Variants in ATP2B2 observed in about 807,000 individuals in gnomAD.
ATP2B2 encodes the protein plasma membrane calcium-transporting ATPase 2.
A neutral mutation model predicts 120.0 loss-of-function variants in ATP2B2; 15 were observed. The observed-to-expected ratio is 0.12, with a 90% CI of 0.08 to 0.19. ATP2B2 has a LOEUF of 0.19. Among genes scored for constraint, ATP2B2 ranks in the 10% least tolerant of loss-of-function variants. The pLI is 1.00. For synonymous variants in ATP2B2, 694 were observed against 700.3 expected (o/e 0.99, Z 0.14); for missense variants, 1,045 against 1,719.8 (o/e 0.61, Z 6.94).
At chr3:10,547,172 C>T (rs550593912) in intron 2 of ATP2B2, among the ~76,000 whole-genome samples, 54 of 152,046 alleles carry the variant, frequency 3.6e-4, no homozygotes, top group African/African-American at 1.1e-3. Flanking sequence ...AAGAGGCAGG[C>T]GGGTACAGCT....
intron 2 of ATP2B2, among the ~76,000 whole-genome samples, chr3:10,540,834 G>A (rs183339107): frequency 1.7e-3 from 256 of 150,854 alleles, no homozygotes; most frequent in African/African-American, 6.0e-3. Context: ...AAACCTTCAC[G>A]TTGTGCACAT....
At chr3:10,494,872 A>C (rs2125380630) in intron 1 of ATP2B2, among the ~76,000 whole-genome samples, 1 of 152,332 alleles carries the variant, frequency 6.6e-6, no homozygotes, top group South Asian at 2.1e-4. Context: ...CCCAAGACAG[A>C]GGTCAAAACC....
intron 14 of ATP2B2, among the ~76,000 whole-genome samples, chr3:10,356,846 G>A (rs2060746380): frequency 6.6e-6 from 1 of 152,216 alleles, no homozygotes; most frequent in Non-Finnish European, 1.5e-5. Context: ...GAGGTTTGCA[G>A]GAAAGCACGT....
At position 10,497,270 on chromosome 3, in the gene ATP2B2, A is replaced by C. The variant is rs373834778; in HGVS notation, c.-320+8195T>G. On this transcript the variant is annotated intron_variant, in intron 1 of 22. Coordinates refer to ENST00000360273, the MANE Select transcript of ATP2B2 (RefSeq NM_001001331.4). ...GAACTGCTTTCTCCATAAGAGAAAG[A>C]GTCCTGAACCAACATGGGCAAAGAG... 1.2e-4 allele frequency among the ~76,000 whole-genome samples: 18 copies of C among 152,202 alleles called. No homozygotes were observed. In the East Asian group the frequency reaches 2.5e-3, roughly 21 times the overall value.
At chr3:10,638,833 G>C (rs1013639034) in intron 1 of ATP2B2, among the ~76,000 whole-genome samples, 3 of 152,212 alleles carry the variant, frequency 2.0e-5, no homozygotes, top group Non-Finnish European at 4.4e-5. Context: ...GTAGATTTCA[G>C]AGCAAAGAAT....
chr3:10,403,762 G>T (rs2062312669), intron 3 of ATP2B2, among the ~76,000 whole-genome samples: 1 of 152,230 alleles, frequency 6.6e-6, no homozygotes, highest in Non-Finnish European at 1.5e-5. Flanking sequence ...CCCTCAAGCT[G>T]GCTGAGAGAA....
intron 2 of ATP2B2, among the ~76,000 whole-genome samples, chr3:10,539,848 G>A (rs964549063): frequency 9.9e-5 from 15 of 152,090 alleles, no homozygotes; most frequent in African/African-American, 1.9e-4. Flanking sequence ...CAATAGCAAC[G>A]AAAGCCAAAA....
At chr3:10,553,766 T>C (rs1169302489) in intron 2 of ATP2B2, among the ~76,000 whole-genome samples, 1 of 152,114 alleles carries the variant, frequency 6.6e-6, no homozygotes, top group Non-Finnish European at 1.5e-5. Flanking sequence ...CTGGGTGTTA[T>C]CGAGATAATC....
At chr3:10,336,365 A>T (rs1164442877) in intron 22 of ATP2B2, 1 of 1,480,722 alleles carries the variant, frequency 6.8e-7, no homozygotes, top group East Asian at 2.5e-5. Context: ...CATGACTGAC[A>T]GGGCAACGTC....
chr3:10,497,513 T>A (rs2125391701), intron 1 of ATP2B2, among the ~76,000 whole-genome samples: 1 of 152,376 alleles, frequency 6.6e-6, no homozygotes, highest in South Asian at 2.1e-4. Context: ...AAATAATAAT[T>A]GCTTACACTT....
rs1438786082 is a variant in ATP2B2, at chr3:10,329,096, A to G, written c.3450T>C (p.Ser1150=). Reference sequence around the variant, plus strand: ...CAGGCTTTTCTAAACCTTCATAGAGAGAGCTACGGAACGCCTTCACGACGC... The same window carrying G: ...CAGGCTTTTCTAAACCTTCATAGAGGGAGCTACGGAACGCCTTCACGACGC... The part of the protein sequence containing the change: ...QIRVVKAFRS[S]LYEGLEKPES... The change falls in exon 23 of 23, where the codon TCT becomes TCC. Residue 1150 remains serine, a synonymous_variant. Coordinates refer to ENST00000360273, the MANE Select transcript of ATP2B2 (RefSeq NM_001001331.4). The surrounding 1 kb of genome is among the most constrained non-coding windows in gnomAD (Gnocchi z 5.9). 6.8e-6 allele frequency: 11 copies of G among 1,612,882 alleles called. No individual in the cohort carries two copies. The highest frequency in any genetic ancestry group is 9.3e-6 in the Non-Finnish European group (11 of 1,179,702).
chr3:10,631,738 T>A (rs1303978734), intron 1 of ATP2B2, among the ~76,000 whole-genome samples: 1 of 152,170 alleles, frequency 6.6e-6, no homozygotes, highest in Non-Finnish European at 1.5e-5. Context: ...GAGGCCAGCG[T>A]CCCCTACATG....
At chr3:10,367,763 G>A (rs1007551357) in intron 12 of ATP2B2, among the ~76,000 whole-genome samples, 1 of 152,190 alleles carries the variant, frequency 6.6e-6, no homozygotes, top group Non-Finnish European at 1.5e-5. Flanking sequence ...TGCTCCAACT[G>A]CAGGGTCCTT....
At chr3:10,486,947 C>T (rs1418418279) in intron 1 of ATP2B2, among the ~76,000 whole-genome samples, 3 of 152,054 alleles carry the variant, frequency 2.0e-5, no homozygotes, top group South Asian at 4.2e-4. Flanking sequence ...AGGCTGGTCT[C>T]GAACTCCTGA....
chr3:10,443,544 CCCGAAGCTG>C (rs60414615), intron 2 of ATP2B2, among the ~76,000 whole-genome samples: 4,368 of 152,174 alleles, frequency 0.029, 217 homozygotes, highest in African/African-American at 0.1. Flanking sequence ...AGGATGTTAA[CCCGAAGCTG>C]CCGGAGCCCC....
chr3:10,705,407 T>C (rs1370506821), intron 1 of ATP2B2, among the ~76,000 whole-genome samples: 1 of 152,246 alleles, frequency 6.6e-6, no homozygotes, highest in African/African-American at 2.4e-5. Flanking sequence ...CCCCACAGTC[T>C]GTCAAAGTCA....
chr3:10,474,372 G>C (rs2065127791), intron 1 of ATP2B2, among the ~76,000 whole-genome samples: 1 of 152,186 alleles, frequency 6.6e-6, no homozygotes, highest in Non-Finnish European at 1.5e-5. Context: ...GCTCAGAAGA[G>C]AGGCCCTGAC....
At chr3:10,505,265 C>T (rs1398480546) in intron 1 of ATP2B2, among the ~76,000 whole-genome samples, 200 bp downstream of exon 1, 1 of 152,156 alleles carries the variant, frequency 6.6e-6, no homozygotes, top group African/African-American at 2.4e-5. Flanking sequence ...TCAGCGGCGG[C>T]TCCCAGTGCA....
chr3:10,338,863 C>T, intron 21 of ATP2B2: 1 of 197,640 alleles, frequency 5.1e-6, no homozygotes, highest in Non-Finnish European at 1.0e-5. Context: ...ACTTATTCCT[C>T]TGTCCCTTAT....
Sources: allele counts gnomAD v4.1 joint callset (sites outside exome capture counted in the v4.1 genomes callset), GRCh38; gene constraint gnomAD v4.1.1; non-coding constraint Gnocchi (gnomAD v3.1); transcripts MANE v1.5; gene names NCBI Gene and HGNC (gene_info 2026-07-23, HGNC 2026-07-21).